The following AOAH variants were observed in gnomAD, a reference collection of about 807,000 sequenced individuals.
The protein encoded by AOAH is acyloxyacyl hydrolase.
Under a neutral mutation model 92.2 loss-of-function variants are expected in AOAH, and 64 were observed. That is an observed-to-expected ratio of 0.69 (90% CI 0.57 to 0.86). AOAH has a LOEUF of 0.86. AOAH is among the 40% of genes least tolerant of loss of function. The pLI is 0.00. For synonymous variants in AOAH, 263 were observed against 254.5 expected (o/e 1.03, Z -0.32); for missense variants, 656 against 694.6 (o/e 0.94, Z 0.62).
chr7:36,715,468 A>T (rs984485707), intron 1 of AOAH, among the ~76,000 whole-genome samples: 1 of 151,448 alleles, frequency 6.6e-6, no homozygotes. Context: ...GAATTGGAAA[A>T]AACTACTTTA....
At chr7:36,668,193 T>TGTG (rs1562676520) in intron 3 of AOAH, among the ~76,000 whole-genome samples, 9 of 151,740 alleles carry the variant, frequency 5.9e-5, no homozygotes, top group African/African-American at 1.9e-4. Flanking sequence ...TGAGAGGTTT[T>TGTG]TGTGTGTGTG....
At chr7:36,703,347 A>G (rs1185956261) in intron 1 of AOAH, among the ~76,000 whole-genome samples, 1 of 152,148 alleles carries the variant, frequency 6.6e-6, no homozygotes, top group Non-Finnish European at 1.5e-5. Context: ...GAGATTCATC[A>G]GAGGAATAAG....
chr7:36,516,149 T>TCA lies in AOAH; in HGVS notation c.1600-2771_1600-2770dup, dbSNP rs1280321251. 8.1e-6 allele frequency among the ~76,000 whole-genome samples: 1 copy of TCA among 123,194 alleles called. No homozygotes were observed. 80.8% of individuals were successfully genotyped at this position (123,194 alleles called of 152,430 possible). ...CACACACAGATACACCACACACATC[T>TCA]CACACACACACACCACACACCCCAT... On this transcript the variant is annotated intron_variant, in intron 20 of 20. Transcript: ENST00000617537. The surrounding 1 kb of genome is among the most constrained non-coding windows in gnomAD (Gnocchi z 5.0).
At chr7:36,707,352 G>T (rs1393206731) in intron 1 of AOAH, among the ~76,000 whole-genome samples, 1 of 151,974 alleles carries the variant, frequency 6.6e-6, no homozygotes, top group Non-Finnish European at 1.5e-5. Flanking sequence ...GTGGTTCATG[G>T]CACCCCGAAA....
intron 4 of AOAH, among the ~76,000 whole-genome samples, chr7:36,655,816 A>C (rs1794848537): frequency 6.6e-6 from 1 of 152,152 alleles, no homozygotes; most frequent in Non-Finnish European, 1.5e-5. Context: ...AACAAGACAG[A>C]ATTTGCCTTC....
intron 6 of AOAH, among the ~76,000 whole-genome samples, chr7:36,627,551 A>AAAAAC (rs1554300019): frequency 1.3e-5 from 2 of 152,050 alleles, no homozygotes; most frequent in African/African-American, 4.8e-5. Flanking sequence ...CACTCAAAAA[A>AAAAAC]AAAACAAAAC....
chr7:36,624,913 G>A (rs1405645312), intron 6 of AOAH, among the ~76,000 whole-genome samples: 1 of 152,208 alleles, frequency 6.6e-6, no homozygotes, highest in African/African-American at 2.4e-5. Context: ...TAACCGGGGG[G>A]CCTTGCCTTC....
At chr7:36,697,020 C>T (rs1331386532) in intron 1 of AOAH, among the ~76,000 whole-genome samples, 1 of 151,940 alleles carries the variant, frequency 6.6e-6, no homozygotes, top group African/African-American at 2.4e-5. Context: ...TTCCAATCTG[C>T]ATGCCTTTAT....
intron 19 of AOAH, among the ~76,000 whole-genome samples, chr7:36,527,936 CTT>C (rs1562536137): frequency 6.6e-6 from 1 of 152,214 alleles, no homozygotes; most frequent in Admixed American, 6.5e-5. Flanking sequence ...TTAAAAATGT[CTT>C]TTGCAGTACC....
chr7:36,558,748 C>T (rs4397298), intron 13 of AOAH, among the ~76,000 whole-genome samples: 54,308 of 152,204 alleles, frequency 0.36, 10,388 homozygotes, highest in Middle Eastern at 0.43. Flanking sequence ...TAGCAATCAG[C>T]GAGACTCCGT....
At chr7:36,679,648 A>G (rs750354778) in intron 2 of AOAH, among the ~76,000 whole-genome samples, 2 of 108,298 alleles carry the variant, frequency 1.8e-5, no homozygotes, top group Non-Finnish European at 3.9e-5. Flanking sequence ...GCACAGTGCC[A>G]CCAAGGGACC....
chr7:36,586,580 T>G (rs540618956), intron 12 of AOAH, among the ~76,000 whole-genome samples: 4 of 152,324 alleles, frequency 2.6e-5, no homozygotes, highest in African/African-American at 7.2e-5. Context: ...CCTCTCTGTC[T>G]TCAGCTATGT....
intron 13 of AOAH, among the ~76,000 whole-genome samples, chr7:36,561,077 C>G (rs1402945008): frequency 7.0e-6 from 1 of 143,308 alleles, no homozygotes; most frequent in East Asian, 2.1e-4. Context: ...GAGTCTCACT[C>G]TATCCCCCAG....
chr7:36,615,409 G>A (rs962740453), intron 11 of AOAH, among the ~76,000 whole-genome samples: 4 of 152,154 alleles, frequency 2.6e-5, no homozygotes, highest in Non-Finnish European at 5.9e-5. Flanking sequence ...GTTTGCTGAG[G>A]GCACCTGTAC....
intron 13 of AOAH, among the ~76,000 whole-genome samples, chr7:36,566,275 T>C (rs376239076): frequency 3.3e-5 from 5 of 152,158 alleles, no homozygotes; most frequent in African/African-American, 1.2e-4. Flanking sequence ...GGGACTGTGT[T>C]ATAAAAATAA....
At chr7:36,523,128 C>A (rs1025190424) in intron 19 of AOAH, among the ~76,000 whole-genome samples, 5 of 152,184 alleles carry the variant, frequency 3.3e-5, no homozygotes, top group African/African-American at 1.2e-4. Flanking sequence ...TGCTGCCCTT[C>A]TCAAAGCTCA....
At chr7:36,611,981 T>C (rs900713996) in intron 11 of AOAH, among the ~76,000 whole-genome samples, 1 of 152,214 alleles carries the variant, frequency 6.6e-6, no homozygotes, top group African/African-American at 2.4e-5. Context: ...TCTGAGAATC[T>C]GTAAAGTGAG....
At chr7:36,690,472 C>A (rs2116813422) in intron 1 of AOAH, among the ~76,000 whole-genome samples, 1 of 152,294 alleles carries the variant, frequency 6.6e-6, no homozygotes, top group East Asian at 1.9e-4. Context: ...TGTTCTGAAT[C>A]CTTTAGCAGC....
chr7:36,633,095 C>A (rs981881819), intron 5 of AOAH, among the ~76,000 whole-genome samples: 4 of 152,178 alleles, frequency 2.6e-5, no homozygotes, highest in African/African-American at 9.7e-5. Context: ...TCTCTAGGAA[C>A]CTGGAGGAGA....
Sources: gnomAD v4.1 joint callset for allele counts (sites outside exome capture counted in the v4.1 genomes callset) on GRCh38, gnomAD v4.1.1 for gene constraint, Gnocchi (gnomAD v3.1) non-coding constraint, MANE v1.5 for transcripts, NCBI Gene and HGNC (gene_info 2026-07-23, HGNC 2026-07-21) for gene names.